Variants in SLC26A11 observed in about 807,000 individuals in gnomAD.
The protein encoded by SLC26A11 is sodium-independent sulfate anion transporter.
A neutral mutation model predicts 62.2 loss-of-function variants in SLC26A11; 58 were observed. That is an observed-to-expected ratio of 0.93 (90% CI 0.76 to 1.16). The LOEUF (loss-of-function observed/expected upper bound fraction) is 1.16, where lower values mean the gene tolerates loss of function less well. Among genes scored for constraint, SLC26A11 ranks in the 50% most tolerant of loss-of-function variants. The probability of loss-of-function intolerance (pLI) is 0.00; values close to 1 mark genes in which losing one functional copy is unlikely to be tolerated. For missense variants in SLC26A11, 790 were observed against 794.3 expected (o/e 0.99, Z 0.06); for synonymous variants, 411 against 368.9 (o/e 1.11, Z -1.31).
At chr17:80,230,699 T>A (rs2042541604) in intron 7 of SLC26A11, among the ~76,000 whole-genome samples, 1 of 152,098 alleles carries the variant, frequency 6.6e-6, no homozygotes, top group South Asian at 2.1e-4. Context: ...GCCAGAAAGG[T>A]CTTTTAAGAT....
chr17:80,236,720 G>A (rs1348371104), intron 7 of SLC26A11: 4 of 549,220 alleles, frequency 7.3e-6, no homozygotes, highest in East Asian at 2.8e-5. Context: ...GCACCTGTCC[G>A]CAGCCTGCAG....
chr17:80,224,168 A>AGAGTGTGTGT (rs1223620772), intron 5 of SLC26A11, among the ~76,000 whole-genome samples: 2 of 149,538 alleles, frequency 1.3e-5, no homozygotes, highest in African/African-American at 2.4e-5. Context: ...CAAGGACAGG[A>AGAGTGTGTGT]GAGTGTGTGT....
chr17:80,224,945 C>T (rs1306051132), intron 5 of SLC26A11, among the ~76,000 whole-genome samples: 4 of 152,038 alleles, frequency 2.6e-5, no homozygotes, highest in Admixed American at 2.0e-4. Flanking sequence ...ACCCCACCCA[C>T]CCTGTGCGCA....
In SLC26A11 at chr17:80,222,435, C is replaced by T. The variant is rs1598784188; in HGVS notation, c.235-220C>T. ...GACACAGCACACGGGCCTGCACCGA[C>T]CCCTCTGCCTGGCTGTCTGCACCCT... On this transcript the variant is annotated intron_variant, in intron 3 of 17. Coordinates refer to ENST00000361193, the MANE Select transcript of SLC26A11 (RefSeq NM_001166347.2). The surrounding 1 kb of genome is among the most constrained non-coding windows in gnomAD (Gnocchi z 4.7). 4 of 578,522 alleles carry T rather than the reference C, an allele frequency of 6.9e-6. No homozygotes were observed. The East Asian group carries it at 1.1e-4, about 16-fold the overall frequency. 35.8% of individuals were successfully genotyped at this position (578,522 alleles called of 1,614,324 possible).
chr17:80,244,551 C>T (rs139409963), intron 10 of SLC26A11, among the ~76,000 whole-genome samples: 4 of 152,274 alleles, frequency 2.6e-5, no homozygotes, highest in African/African-American at 9.6e-5. Context: ...TGTTTGAAAG[C>T]TAGGATCTTG....
At position 80,225,887 on chromosome 17, in the gene SLC26A11, C is replaced by T; in HGVS notation, c.564C>T (p.Tyr188=). Residue 188 remains tyrosine (Y), a synonymous_variant, in exon 6 of 18, where the codon TAC becomes TAT. Coordinates refer to ENST00000361193, the MANE Select transcript of SLC26A11 (RefSeq NM_001166347.2). ...NIPRPFFLQV[Y]HTFLRIAETR... ...CCAGGCCGTTCTTCCTGCAGGTGTA[C>T]CACACCTTCCTCAGGATTGCAGAGA... 1.2e-6 allele frequency: 2 copies of T among 1,613,946 alleles called. No individual in the cohort carries two copies. Among genetic ancestry groups the T allele is most frequent in the Non-Finnish European group, 1.7e-6 (2 of 1,179,900 alleles).
rs573070686 is a variant in SLC26A11, at chr17:80,228,545, G to GC, written c.736+590dup. ...GCCGTTCTCAACCTGAAGCAGTTTT[G>GC]CCCCCTGGTGACACGTGGCAATGTT... On this transcript the variant is annotated intron_variant, in intron 7 of 17. Coordinates refer to ENST00000361193, the MANE Select transcript of SLC26A11 (RefSeq NM_001166347.2). This position sits in a 1 kb window ranked among gnomAD's most constrained non-coding sequence, Gnocchi z 4.1. 2.4e-3 allele frequency among the ~76,000 whole-genome samples: 360 copies of GC among 152,328 alleles called. 4 individuals carry two copies. The highest frequency in any genetic ancestry group is 8.4e-3 in the African/African-American group (348 of 41,566).
At chr17:80,247,043 G>A (rs1221442892) in intron 13 of SLC26A11, among the ~76,000 whole-genome samples, 1 of 151,688 alleles carries the variant, frequency 6.6e-6, no homozygotes, top group Non-Finnish European at 1.5e-5. Context: ...CCCTGGCTCA[G>A]AATGGCAGTT....
intron 13 of SLC26A11, among the ~76,000 whole-genome samples, chr17:80,247,395 C>A (rs1316252599): frequency 6.6e-6 from 1 of 152,132 alleles, no homozygotes; most frequent in Non-Finnish European, 1.5e-5. Context: ...GGCAGAGGGG[C>A]TCCTCACTTC....
In SLC26A11 at chr17:80,246,386, T is replaced by C. The variant is rs1598838959; in HGVS notation, c.1154-123T>C. ...GGAGACTGAGCAGGGGCTGGGGGCC[T>C]TGGCAGTCGTCGCCCTACCCCCACC... On this transcript the variant is annotated intron_variant, in intron 12 of 17. Coordinates refer to ENST00000361193, the MANE Select transcript of SLC26A11 (RefSeq NM_001166347.2). This position sits in a 1 kb window ranked among gnomAD's most constrained non-coding sequence, Gnocchi z 4.4. The C allele has an allele frequency of 6.9e-7, 1 of 1,448,374 alleles. No homozygotes were observed. The allele number at this position is 1,448,374 out of a possible 1,614,324, so 89.7% of individuals were successfully genotyped here. A position where few individuals can be genotyped will look rare whatever the true frequency, so the allele number is the denominator to read the frequency against.
At chr17:80,240,744 G>C in intron 9 of SLC26A11, among the ~76,000 whole-genome samples, 1 of 149,678 alleles carries the variant, frequency 6.7e-6, no homozygotes. Flanking sequence ...CAGAGGTTGC[G>C]GTGAGCCAAG....
At chr17:80,229,838 A>C (rs1187942752) in intron 7 of SLC26A11, among the ~76,000 whole-genome samples, 1 of 152,040 alleles carries the variant, frequency 6.6e-6, no homozygotes, top group South Asian at 2.1e-4. Flanking sequence ...CTCAGGCCCC[A>C]CCCCAGATCT....
At chr17:80,243,538 C>T (rs2042918122) in intron 10 of SLC26A11, among the ~76,000 whole-genome samples, 1 of 152,204 alleles carries the variant, frequency 6.6e-6, no homozygotes, top group Admixed American at 6.5e-5. Flanking sequence ...GCTGGGATTG[C>T]AGGCACCTGC....
At chr17:80,233,278 C>G (rs2042607132) in intron 7 of SLC26A11, among the ~76,000 whole-genome samples, 1 of 151,694 alleles carries the variant, frequency 6.6e-6, no homozygotes. Context: ...GGTCTACAGG[C>G]ATGCACCACC....
chr17:80,246,307 C>A lies in SLC26A11; in HGVS notation c.1153+98C>A. On this transcript the variant is annotated intron_variant, in intron 12 of 17. Transcript: ENST00000361193. This position sits in a 1 kb window ranked among gnomAD's most constrained non-coding sequence, Gnocchi z 4.4. ...ACGTCCCTTTGGCTCATGGGCCGTG[C>A]GCCCCGGGACTGCACAGGGACTTGG... 6.8e-7 allele frequency: 1 copy of A among 1,465,698 alleles called. No homozygotes were observed. The highest frequency in any genetic ancestry group is 1.3e-5 in the South Asian group (1 of 77,554). The allele number at this position is 1,465,698 out of a possible 1,614,324, so 90.8% of individuals were successfully genotyped here.
In SLC26A11 at chr17:80,246,299, G is replaced by A. The variant is rs1006667966; in HGVS notation, c.1153+90G>A. 1.6e-5 allele frequency: 24 copies of A among 1,512,836 alleles called. No homozygotes were observed. The highest frequency in any genetic ancestry group is 1.7e-5 in the Non-Finnish European group (19 of 1,118,622). 93.7% of individuals were successfully genotyped at this position (1,512,836 alleles called of 1,614,324 possible). A position where few individuals can be genotyped will look rare whatever the true frequency, so the allele number is the denominator to read the frequency against. Reference sequence around the variant, plus strand: ...CCACAGAGACGTCCCTTTGGCTCATGGGCCGTGCGCCCCGGGACTGCACAG... The same window carrying A: ...CCACAGAGACGTCCCTTTGGCTCATAGGCCGTGCGCCCCGGGACTGCACAG... On this transcript the variant is annotated intron_variant, in intron 12 of 17. Transcript: ENST00000361193. The surrounding 1 kb of genome is among the most constrained non-coding windows in gnomAD (Gnocchi z 4.4).
chr17:80,221,257 C>G, intron 2 of SLC26A11, 142 bp downstream of exon 2: 1 of 390,464 alleles, frequency 2.6e-6, no homozygotes, highest in Non-Finnish European at 4.5e-6. Flanking sequence ...AATGAGGAAT[C>G]GCTTATCAGT....
At chr17:80,248,517 C>G in intron 14 of SLC26A11, 58 bp from the exon 15 acceptor site, 1 of 1,513,482 alleles carries the variant, frequency 6.6e-7, no homozygotes, top group Non-Finnish European at 8.9e-7. Context: ...TGGGACAGGC[C>G]AAGCCTGGTG....
In SLC26A11 at chr17:80,228,043, T is replaced by C; in HGVS notation, c.736+83T>C. 1 of 1,299,958 alleles carries C rather than the reference T, an allele frequency of 7.7e-7. No individual in the cohort carries two copies. Among genetic ancestry groups the C allele is most frequent in the Non-Finnish European group, 1.1e-6 (1 of 939,374 alleles). The allele number at this position is 1,299,958 out of a possible 1,614,324, so 80.5% of individuals were successfully genotyped here. A position where few individuals can be genotyped will look rare whatever the true frequency, so the allele number is the denominator to read the frequency against. On this transcript the variant is annotated intron_variant, in intron 7 of 17. Transcript: ENST00000361193. This position sits in a 1 kb window ranked among gnomAD's most constrained non-coding sequence, Gnocchi z 4.1. ...GGGAGTCCTAGTCCCACCCTAGGGA[T>C]TCTCACGTCATTGGTCTGGGTGTCA... is the stretch of plus-strand genomic sequence containing the variant.
Sources: gnomAD v4.1 joint callset for allele counts (sites outside exome capture counted in the v4.1 genomes callset) on GRCh38, gnomAD v4.1.1 for gene constraint, Gnocchi (gnomAD v3.1) non-coding constraint, MANE v1.5 for transcripts, NCBI Gene and HGNC (gene_info 2026-07-23, HGNC 2026-07-21) for gene names.